The following TDP1 variants were observed in gnomAD, a reference collection of about 807,000 sequenced individuals.
The protein encoded by TDP1 is tyr-DNA phosphodiesterase 1.
Under a neutral mutation model 81.5 loss-of-function variants are expected in TDP1, and 64 were observed. That is an observed-to-expected ratio of 0.79 (90% CI 0.64 to 0.97). TDP1 has a LOEUF of 0.97. Among genes scored for constraint, TDP1 ranks in the 50% least tolerant of loss-of-function variants. The pLI is 0.00. For synonymous variants in TDP1, 256 were observed against 264.3 expected, an observed-to-expected ratio of 0.97 and a Z score of 0.30; for missense variants, 723 against 743.8, an observed-to-expected ratio of 0.97 and a Z score of 0.33.
chr14:90,032,966 G>T, intron 15 of TDP1, 140 bp from the exon 16 acceptor site: 1 of 1,200,902 alleles, frequency 8.3e-7, no homozygotes, highest in Non-Finnish European at 1.2e-6. Context: ...ATTTGCCTAT[G>T]AACATTGAAA....
intron 11 of TDP1, 158 bp downstream of exon 11, chr14:89,989,248 G>A (rs1002808208): frequency 1.1e-6 from 1 of 940,354 alleles, no homozygotes. Flanking sequence ...CAGTACATTA[G>A]CATCGTCATT....
intron 14 of TDP1, among the ~76,000 whole-genome samples, chr14:90,015,501 T>C (rs1208316676): frequency 6.6e-6 from 1 of 152,218 alleles, no homozygotes; most frequent in Non-Finnish European, 1.5e-5. Context: ...CAACATATCA[T>C]TAGTCAGCTT....
intron 14 of TDP1, among the ~76,000 whole-genome samples, chr14:90,005,847 A>G (rs1008573634): frequency 3.9e-5 from 6 of 152,242 alleles, no homozygotes; most frequent in African/African-American, 1.4e-4. Flanking sequence ...TTGGTATAGT[A>G]TTCTAAATAC....
At chr14:90,032,139 CA>C (rs1887348589) in intron 15 of TDP1, among the ~76,000 whole-genome samples, 1 of 152,166 alleles carries the variant, frequency 6.6e-6, no homozygotes, top group African/African-American at 2.4e-5. Context: ...AGACATCAGT[CA>C]TTTACTCAGC....
chr14:90,023,861 T>C (rs187068498), intron 15 of TDP1, among the ~76,000 whole-genome samples: 1 of 152,290 alleles, frequency 6.6e-6, no homozygotes, highest in Admixed American at 6.5e-5. Flanking sequence ...TCTGTAGAGA[T>C]GCGGTCTTGC....
chr14:90,037,371 G>A (rs1887922107), intron 16 of TDP1, among the ~76,000 whole-genome samples: 1 of 152,072 alleles, frequency 6.6e-6, no homozygotes, highest in Non-Finnish European at 1.5e-5. Flanking sequence ...ATCTTATTTG[G>A]ACTTAATAAA....
At chr14:90,019,940 C>T (rs1461449175) in intron 15 of TDP1, among the ~76,000 whole-genome samples, 2 of 152,114 alleles carry the variant, frequency 1.3e-5, no homozygotes, top group Non-Finnish European at 2.9e-5. Flanking sequence ...TTCACATCAT[C>T]GGCTAGAGTT....
chr14:89,983,658 T>C (rs36077797), intron 8 of TDP1, among the ~76,000 whole-genome samples: 7 of 152,236 alleles, frequency 4.6e-5, no homozygotes, highest in Admixed American at 4.6e-4. Context: ...GAGGCAGCCT[T>C]GTTAACCCCA....
In TDP1 at chr14:89,957,314, C is replaced by T. The variant is rs1891775303; in HGVS notation, c.-8+514C>T. 2.6e-5 allele frequency: 4 copies of T among 152,302 alleles called. No individual in the cohort carries two copies. The East Asian group carries it at 5.8e-4, about 22-fold the overall frequency. The allele number at this position is 152,302 out of a possible 1,614,324, so 9.4% of individuals were successfully genotyped here. On this transcript the variant is annotated intron_variant, in intron 2 of 16. Transcript: ENST00000335725. ...TAGGGTAGAAACTATATTGTTAACG[C>T]CTCATTCCCAGTTTTTGGTACATAA...
At chr14:90,028,648 C>T (rs1447131224) in intron 15 of TDP1, among the ~76,000 whole-genome samples, 6 of 152,198 alleles carry the variant, frequency 3.9e-5, no homozygotes, top group Non-Finnish European at 7.3e-5. Flanking sequence ...AATTAGAAGA[C>T]AGCCTCAAAT....
At chr14:90,030,798 C>G (rs1887190516) in intron 15 of TDP1, among the ~76,000 whole-genome samples, 1 of 151,036 alleles carries the variant, frequency 6.6e-6, no homozygotes, top group African/African-American at 2.4e-5. Context: ...TGGAGTTTCA[C>G]TCTGTCACCT....
At chr14:90,036,564 C>T (rs528813404) in intron 16 of TDP1, among the ~76,000 whole-genome samples, 1 of 152,224 alleles carries the variant, frequency 6.6e-6, no homozygotes, top group South Asian at 2.1e-4. Context: ...CAAAGTAAAG[C>T]AAAAACTAAG....
chr14:89,989,431 AATT>A, intron 11 of TDP1: 5 of 983,918 alleles, frequency 5.1e-6, no homozygotes, highest in Non-Finnish European at 6.0e-6. Flanking sequence ...TGGGCATTTT[AATT>A]ATTTAGAGAA....
intron 10 of TDP1, among the ~76,000 whole-genome samples, chr14:89,988,298 C>T (rs948116617): frequency 2.6e-5 from 4 of 152,156 alleles, no homozygotes; most frequent in Non-Finnish European, 5.9e-5. Flanking sequence ...CTGGCCATTG[C>T]TGATCAGCTC....
At chr14:90,004,573 C>G (rs553484632) in intron 14 of TDP1, among the ~76,000 whole-genome samples, 55 of 152,286 alleles carry the variant, frequency 3.6e-4, no homozygotes, top group Non-Finnish European at 6.5e-4. Flanking sequence ...GCAGGAAGAG[C>G]TAGGATTTAG....
intron 10 of TDP1, among the ~76,000 whole-genome samples, chr14:89,986,376 G>A (rs574053125): frequency 2.6e-5 from 4 of 152,280 alleles, no homozygotes; most frequent in Admixed American, 6.5e-5. Context: ...CTTCCCTCCC[G>A]TGATTGTGAG....
intron 14 of TDP1, among the ~76,000 whole-genome samples, chr14:89,998,375 TATATATATATA>T (rs1896834657): frequency 7.2e-4 from 3 of 4,150 alleles, no homozygotes; most frequent in Non-Finnish European, 2.8e-3. Flanking sequence ...AAGCACATTA[TATATATATATA>T]TATATATATA....
chr14:89,998,975 G>A (rs559744788), intron 14 of TDP1, among the ~76,000 whole-genome samples: 1 of 152,190 alleles, frequency 6.6e-6, no homozygotes, highest in South Asian at 2.1e-4. Flanking sequence ...TGAATTGATT[G>A]GAATAATTGA....
Position 90,043,242 on chromosome 14 carries a change from T to A in TDP1, c.*99T>A. 2 of 1,467,434 alleles carry A rather than the reference T, an allele frequency of 1.4e-6. No individual in the cohort carries two copies. Among genetic ancestry groups the A allele is most frequent in the Non-Finnish European group, 1.9e-6 (2 of 1,057,394 alleles). 90.9% of individuals were successfully genotyped at this position (1,467,434 alleles called of 1,614,324 possible). A position where few individuals can be genotyped will look rare whatever the true frequency, so the allele number is the denominator to read the frequency against. ...TGTCCACTTCCCTTAAAGTCTTATT[T>A]GCACCCTTACAAAATCTTTCCAAAG... On this transcript the variant is annotated 3_prime_UTR_variant, in exon 17 of 17. Coordinates refer to ENST00000335725, the MANE Select transcript of TDP1 (RefSeq NM_018319.4).
Sources: allele counts gnomAD v4.1 joint callset (sites outside exome capture counted in the v4.1 genomes callset), GRCh38; gene constraint gnomAD v4.1.1; transcripts MANE v1.5; gene names NCBI Gene and HGNC (gene_info 2026-07-23, HGNC 2026-07-21).